The following TCF3 variants were observed in gnomAD, a reference collection of about 807,000 sequenced individuals.
TCF3 encodes transcription factor 3, also known as transcription factor E2-alpha.
TCF3 carries 54 observed loss-of-function variants against 72.3 expected under a neutral mutation model. The ratio of observed to expected loss-of-function variants is 0.75; its 90% CI spans 0.60 to 0.94. TCF3 has a LOEUF of 0.94. Ranked by LOEUF, TCF3 falls within the 40% of genes least tolerant of loss-of-function variation. TCF3 has a pLI of 0.00. For synonymous variants in TCF3, 525 were observed against 412.6 expected, an observed-to-expected ratio of 1.27 and a Z score of -3.30; for missense variants, 1,078 against 934.4, an observed-to-expected ratio of 1.15 and a Z score of -2.00.
At chr19:1,639,773 AAG>A (rs2064975788) in intron 3 of TCF3, among the ~76,000 whole-genome samples, 1 of 151,190 alleles carries the variant, frequency 6.6e-6, no homozygotes, top group African/African-American at 2.4e-5. Context: ...AAAAAAAAAA[AAG>A]GAACAAATGT....
chr19:1,651,055 C>A, intron 1 of TCF3: 1 of 232,510 alleles, frequency 4.3e-6, no homozygotes, highest in East Asian at 6.1e-5. Context: ...CTTGCCTGCC[C>A]TCCATGAGCG....
intron 3 of TCF3, among the ~76,000 whole-genome samples, chr19:1,640,720 C>T (rs1395296014): frequency 4.6e-5 from 7 of 151,528 alleles, no homozygotes; most frequent in African/African-American, 7.3e-5. Flanking sequence ...AGGAGAATGG[C>T]GTGAACCTGG....
In TCF3 at chr19:1,609,600, C is replaced by G. The variant is rs1042803266; in HGVS notation, c.*2107G>C. The G allele has an allele frequency of 1.4e-5, 3 of 221,116 alleles. No homozygotes were observed. The highest frequency in any genetic ancestry group is 9.0e-6 in the Non-Finnish European group (1 of 110,752). 13.7% of individuals were successfully genotyped at this position (221,116 alleles called of 1,614,324 possible). ...CTATGGGGCCACTGCCCACCCAGAC[C>G]TAGGGGCAGGGCCAGGAGCAAAACA... On this transcript the variant is annotated 3_prime_UTR_variant, in exon 19 of 19. Coordinates refer to ENST00000262965, the MANE Select transcript of TCF3 (RefSeq NM_003200.5).
At chr19:1,640,118 G>A (rs967299031) in intron 3 of TCF3, among the ~76,000 whole-genome samples, 2 of 152,198 alleles carry the variant, frequency 1.3e-5, no homozygotes, top group Non-Finnish European at 2.9e-5. Flanking sequence ...CCCTGCGCAG[G>A]TGGAAAGACA....
chr19:1,622,500 C>G, intron 8 of TCF3, 85 bp from the exon 9 acceptor site: 1 of 698,952 alleles, frequency 1.4e-6, no homozygotes, highest in Non-Finnish European at 2.2e-6. Flanking sequence ...CCTGTCCCCT[C>G]CTGGTAGCAC....
chr19:1,630,787 C>T, intron 5 of TCF3, among the ~76,000 whole-genome samples: 1 of 152,062 alleles, frequency 6.6e-6, no homozygotes, highest in Non-Finnish European at 1.5e-5. Flanking sequence ...AGGCCCTTAC[C>T]AGCCCCCCAA....
intron 13 of TCF3, among the ~76,000 whole-genome samples, chr19:1,620,362 AC>A (rs1160153803): frequency 6.6e-6 from 1 of 151,606 alleles, no homozygotes; most frequent in African/African-American, 2.4e-5. Flanking sequence ...CCTGCCCCCG[AC>A]CCCCTGCGGA....
chr19:1,635,647 T>C (rs1039546395), intron 3 of TCF3, among the ~76,000 whole-genome samples: 1 of 152,186 alleles, frequency 6.6e-6, no homozygotes, highest in Non-Finnish European at 1.5e-5. Flanking sequence ...AACATTTTCC[T>C]GGAGGATCAA....
At position 1,611,440 on chromosome 19, in the gene TCF3, C is replaced by G. The variant is rs1366488403; in HGVS notation, c.*267G>C. 4.7e-6 allele frequency: 2 copies of G among 425,830 alleles called. No individual in the cohort carries two copies. Among genetic ancestry groups the G allele is most frequent in the Non-Finnish European group, 8.2e-6 (2 of 242,880 alleles). The allele number at this position is 425,830 out of a possible 1,614,324, so 26.4% of individuals were successfully genotyped here. A position where few individuals can be genotyped will look rare whatever the true frequency, so the allele number is the denominator to read the frequency against. On this transcript the variant is annotated 3_prime_UTR_variant, in exon 19 of 19. Transcript: ENST00000262965. ...AGATGCAGTTTCAGGATCCATGGGA[C>G]AGGTCACAGAGTGACACGGTGGCTG...
rs1404162431 is a variant in TCF3, at chr19:1,614,044, T to G, written c.1822+1241A>C. ...CATGGCCCTGCATGGGTGACCTCGC[T>G]CTGTTCCCTGGCTTCCTACTTGGTA... On this transcript the variant is annotated intron_variant, in intron 18 of 18. Transcript: ENST00000262965. The surrounding 1 kb of genome is among the most constrained non-coding windows in gnomAD (Gnocchi z 5.6). Among the ~76,000 whole-genome samples the G allele has an allele frequency of 6.6e-6, 1 of 152,252 alleles. No individual in the cohort carries two copies. Among genetic ancestry groups the G allele is most frequent in the Non-Finnish European group, 1.5e-5 (1 of 68,038 alleles).
rs914802707 is a variant in TCF3, at chr19:1,640,728, T to C, written c.145+5627A>G. Among the ~76,000 whole-genome samples the C allele has an allele frequency of 1.2e-4, 18 of 150,574 alleles. No homozygotes were observed. The South Asian group carries it at 1.5e-3, about 12-fold the overall frequency. On this transcript the variant is annotated intron_variant, in intron 3 of 18. Coordinates refer to ENST00000262965, the MANE Select transcript of TCF3 (RefSeq NM_003200.5). ...GCTAGGCAGGAGAATGGCGTGAACC[T>C]GGGAGGCGGAGCTTGCAGTGAGCTG...
At position 1,652,615 on chromosome 19, in the gene TCF3, C is replaced by G. The variant is rs951659675; in HGVS notation, c.-355G>C. 13 of 148,288 alleles carry G rather than the reference C, an allele frequency of 8.8e-5. No individual in the cohort carries two copies. The highest frequency in any genetic ancestry group is 2.9e-4 in the African/African-American group (12 of 40,840). 9.2% of individuals were successfully genotyped at this position (148,288 alleles called of 1,614,324 possible). A position where few individuals can be genotyped will look rare whatever the true frequency, so the allele number is the denominator to read the frequency against. ...TCTTCCTGCGGCGGGAGACATGTTC[C>G]GCCCCCCGCCCGCGCCGCCCCGCCC... is the stretch of plus-strand genomic sequence containing the variant. On this transcript the variant is annotated 5_prime_UTR_variant, in exon 1 of 19. Coordinates refer to ENST00000262965, the MANE Select transcript of TCF3 (RefSeq NM_003200.5).
At chr19:1,641,243 G>GAATT (rs1346290852) in intron 3 of TCF3, among the ~76,000 whole-genome samples, 1 of 151,516 alleles carries the variant, frequency 6.6e-6, no homozygotes, top group Non-Finnish European at 1.5e-5. Flanking sequence ...GATCTCCAGG[G>GAATT]AATTATGCTA....
chr19:1,627,179 CCT>C (rs1279461431), intron 6 of TCF3, among the ~76,000 whole-genome samples, 178 bp downstream of exon 6: 1 of 152,200 alleles, frequency 6.6e-6, no homozygotes, highest in African/African-American at 2.4e-5. Context: ...TCCTCACCTA[CCT>C]CCCCTCTGCT....
In TCF3 at chr19:1,618,226, A is replaced by T. The variant is rs553651590; in HGVS notation, c.1450+885T>A. On this transcript the variant is annotated intron_variant, in intron 16 of 18. Transcript: ENST00000262965. The stretch of plus-strand genomic sequence containing the variant: ...AGCCACCCTGCCTTCTCTCACCCTC[A>T]AGTCCTGTCCATCACAAATCCTGTG... 5.9e-5 allele frequency among the ~76,000 whole-genome samples: 9 copies of T among 151,996 alleles called. 1 individual carries two copies. The South Asian group carries it at 8.3e-4, about 14-fold the overall frequency.
intron 3 of TCF3, among the ~76,000 whole-genome samples, chr19:1,639,836 C>T (rs928335933): frequency 6.7e-6 from 1 of 150,252 alleles, no homozygotes; most frequent in East Asian, 1.9e-4. Context: ...ATGGGGTTCA[C>T]GGGGTGGAAC....
chr19:1,630,273 C>T (rs529671192), intron 5 of TCF3, among the ~76,000 whole-genome samples: 4 of 152,312 alleles, frequency 2.6e-5, no homozygotes, highest in Admixed American at 2.6e-4. Context: ...GGCCAGGCCT[C>T]ACCTACCCCG....
intron 3 of TCF3, among the ~76,000 whole-genome samples, chr19:1,634,728 C>T (rs932829643): frequency 1.3e-5 from 2 of 152,180 alleles, no homozygotes; most frequent in African/African-American, 4.8e-5. Context: ...TAGTAAATAC[C>T]GGGTAGGACT....
intron 18 of TCF3, among the ~76,000 whole-genome samples, chr19:1,612,910 G>A (rs2061176781): frequency 6.7e-6 from 1 of 150,370 alleles, no homozygotes; most frequent in Non-Finnish European, 1.5e-5. Context: ...AGCAGTGGGG[G>A]TACACGGCTG....
Sources: gnomAD v4.1 joint callset for allele counts (sites outside exome capture counted in the v4.1 genomes callset) on GRCh38, gnomAD v4.1.1 for gene constraint, Gnocchi (gnomAD v3.1) non-coding constraint, MANE v1.5 for transcripts, NCBI Gene and HGNC (gene_info 2026-07-23, HGNC 2026-07-21) for gene names.